NMU: variants seen among roughly 807,000 people sequenced by gnomAD.
NMU encodes neuromedin-U.
Under a neutral mutation model 35.4 loss-of-function variants are expected in NMU, and 29 were observed. The observed-to-expected ratio is 0.82, with a 90% CI of 0.61 to 1.12. The LOEUF (loss-of-function observed/expected upper bound fraction) is 1.12. Ranked by LOEUF, NMU falls within the 50% of genes most tolerant of loss-of-function variation. The pLI is 0.00. For synonymous variants in NMU, 78 were observed against 81.3 expected (o/e 0.96, Z 0.22); for missense variants, 199 against 206.2 (o/e 0.97, Z 0.21).
intron 4 of NMU, among the ~76,000 whole-genome samples, chr4:55,608,122 C>A (rs990370064): frequency 2.1e-5 from 3 of 144,668 alleles, no homozygotes; most frequent in Non-Finnish European, 4.5e-5. Context: ...TTGCAGTGAG[C>A]CGAGATGGCG....
intron 2 of NMU, among the ~76,000 whole-genome samples, chr4:55,619,337 G>A (rs376897649): frequency 0.14 from 19,610 of 139,332 alleles, 1,660 homozygotes; most frequent in Non-Finnish European, 0.19. Flanking sequence ...GCAGGGCGAG[G>A]CATTGCCTCA....
chr4:55,603,939 A>ATGTATATATGTATATATATATACG lies in NMU; in HGVS notation c.435+1335_435+1336insCGTATATATATATACATATATACA, dbSNP rs1560513419. On this transcript the variant is annotated intron_variant, in intron 7 of 9. Coordinates refer to ENST00000264218, the MANE Select transcript of NMU (RefSeq NM_006681.4). ...AAAAAAAAAAAAAATATATATATAT[A>ATGTATATATGTATATATATATACG]TATATATGTATATATGTGTATATAT... Among the ~76,000 whole-genome samples the ATGTATATATGTATATATATATACG allele has an allele frequency of 9.4e-5, 6 of 63,850 alleles. 2 individuals carry two copies. The highest frequency in any genetic ancestry group is 2.4e-4 in the African/African-American group (4 of 16,400). 41.9% of individuals were successfully genotyped at this position (63,850 alleles called of 152,430 possible). A position where few individuals can be genotyped will look rare whatever the true frequency, so the allele number is the denominator to read the frequency against.
In NMU at chr4:55,636,196, G is replaced by C. The variant is rs527754565; in HGVS notation, c.-4C>G. 1.1e-3 allele frequency: 1,635 copies of C among 1,483,818 alleles called. 2 individuals are homozygous for C. Among genetic ancestry groups the C allele is most frequent in the Non-Finnish European group, 1.4e-3 (1,564 of 1,126,174 alleles). 91.9% of individuals were successfully genotyped at this position (1,483,818 alleles called of 1,614,324 possible). A position where few individuals can be genotyped will look rare whatever the true frequency, so the allele number is the denominator to read the frequency against. On this transcript the variant is annotated 5_prime_UTR_variant, in exon 1 of 10. Transcript: ENST00000264218. The surrounding 1 kb of genome is among the most constrained non-coding windows in gnomAD (Gnocchi z 4.0). The stretch of plus-strand genomic sequence containing the variant: ...GGCAGCTCTCTGTTCGCAGCATCTC[G>C]GCGGCTGCGGGAGGCTCGGTGCTAG...
intron 9 of NMU, 96 bp downstream of exon 9, chr4:55,599,046 G>T: frequency 1.3e-6 from 1 of 781,402 alleles, no homozygotes; most frequent in Non-Finnish European, 2.2e-6. Context: ...AGTTTAATTT[G>T]TGACTATTTG....
chr4:55,603,996 T>TGTATATATAC (rs777008058), intron 7 of NMU, among the ~76,000 whole-genome samples: 2 of 32,064 alleles, frequency 6.2e-5, no homozygotes, highest in African/African-American at 1.1e-4. Context: ...TGTATATATA[T>TGTATATATAC]ACGTATATAT....
rs142049398 is a variant in NMU, at chr4:55,611,624, C to A, written c.220-2445G>T. On this transcript the variant is annotated intron_variant, in intron 3 of 9. Coordinates refer to ENST00000264218, the MANE Select transcript of NMU (RefSeq NM_006681.4). ...CCTATACAAGTGTATCATTTTTTATCTTTTACATTATGTATTTACTGTACC... is the reference window on the plus strand; with the variant it reads ...CCTATACAAGTGTATCATTTTTTATATTTTACATTATGTATTTACTGTACC... Among the ~76,000 whole-genome samples the A allele has an allele frequency of 2.8e-4, 42 of 152,176 alleles. No individual in the cohort carries two copies. In the East Asian group the frequency reaches 7.2e-3, roughly 26 times the overall value.
chr4:55,601,442 C>T (rs1317358525), intron 7 of NMU, among the ~76,000 whole-genome samples: 1 of 151,892 alleles, frequency 6.6e-6, no homozygotes, highest in Non-Finnish European at 1.5e-5. Flanking sequence ...ACTTAGTTTG[C>T]AACAAATGTA....
chr4:55,633,460 C>T (rs1227843142), intron 1 of NMU, among the ~76,000 whole-genome samples: 1 of 151,660 alleles, frequency 6.6e-6, no homozygotes, highest in African/African-American at 2.4e-5. Flanking sequence ...ATATGGACTT[C>T]ATACTGTCAA....
chr4:55,596,038 T>C (rs1000687461), intron 9 of NMU, among the ~76,000 whole-genome samples: 6 of 152,148 alleles, frequency 3.9e-5, no homozygotes, highest in Admixed American at 6.5e-5. Context: ...ATTTAACTAT[T>C]TAAAAGTGAT....
chr4:55,614,389 A>G (rs2110198699), intron 3 of NMU, among the ~76,000 whole-genome samples: 1 of 152,286 alleles, frequency 6.6e-6, no homozygotes, highest in South Asian at 2.1e-4. Flanking sequence ...TTGTTACAAG[A>G]GAACAATTTC....
intron 6 of NMU, among the ~76,000 whole-genome samples, chr4:55,605,760 T>A (rs1023535410): frequency 1.3e-5 from 2 of 152,236 alleles, no homozygotes; most frequent in Non-Finnish European, 1.5e-5. Flanking sequence ...AACATGTTAA[T>A]CTGGAAGATT....
At chr4:55,619,232 T>A (rs1734264388) in intron 2 of NMU, among the ~76,000 whole-genome samples, 1 of 150,416 alleles carries the variant, frequency 6.6e-6, no homozygotes, top group Non-Finnish European at 1.5e-5. Context: ...ACGGGTGATT[T>A]CTGCATTTCC....
chr4:55,617,026 G>T (rs1734133968), intron 2 of NMU, among the ~76,000 whole-genome samples: 1 of 152,176 alleles, frequency 6.6e-6, no homozygotes, highest in African/African-American at 2.4e-5. Flanking sequence ...CCTATGCTGA[G>T]AAGTTAAGCA....
Position 55,629,239 on chromosome 4 carries a change from T to C in NMU, c.171+1163A>G, listed in dbSNP as rs113775189. On this transcript the variant is annotated intron_variant, in intron 2 of 9. Coordinates refer to ENST00000264218, the MANE Select transcript of NMU (RefSeq NM_006681.4). Reference sequence around the variant, plus strand: ...TTATACACAACGAGAATGTGTATACTATTTAGTGCAGGTTTTAAACAATAG... The same window carrying C: ...TTATACACAACGAGAATGTGTATACCATTTAGTGCAGGTTTTAAACAATAG... Among the ~76,000 whole-genome samples the C allele has an allele frequency of 1.2e-4, 19 of 152,308 alleles. 1 individual carries two copies. Among genetic ancestry groups the C allele is most frequent in the African/African-American group, 4.6e-4 (19 of 41,568 alleles).
At chr4:55,619,365 G>A (rs1340767734) in intron 2 of NMU, among the ~76,000 whole-genome samples, 1 of 136,590 alleles carries the variant, frequency 7.3e-6, no homozygotes, top group African/African-American at 2.7e-5. Flanking sequence ...AGCGCAAGGG[G>A]TCAGGGAGTT....
intron 3 of NMU, among the ~76,000 whole-genome samples, chr4:55,612,959 A>G (rs1409248420): frequency 6.6e-6 from 1 of 152,134 alleles, no homozygotes; most frequent in Admixed American, 6.5e-5. Flanking sequence ...TACACCACCG[A>G]ATACTACACA....
At chr4:55,619,949 A>T (rs1734318867) in intron 2 of NMU, among the ~76,000 whole-genome samples, 1 of 146,792 alleles carries the variant, frequency 6.8e-6, no homozygotes, top group Non-Finnish European at 1.5e-5. Flanking sequence ...CCTGCAGCTG[A>T]GGGCCCTGTC....
chr4:55,607,541 T>A, intron 4 of NMU, 75 bp from the exon 5 acceptor site: 1 of 549,700 alleles, frequency 1.8e-6, no homozygotes, highest in South Asian at 2.8e-5. Context: ...AATTTTATAA[T>A]GTTATAACAC....
Position 55,616,454 on chromosome 4 carries a change from A to G in NMU, c.172-69T>C. 1.7e-6 allele frequency: 2 copies of G among 1,157,954 alleles called. 1 individual carries two copies. Among genetic ancestry groups the G allele is most frequent in the South Asian group, 2.5e-5 (2 of 80,576 alleles). 71.7% of individuals were successfully genotyped at this position (1,157,954 alleles called of 1,614,324 possible). On this transcript the variant is annotated intron_variant, in intron 2 of 9. Coordinates refer to ENST00000264218, the MANE Select transcript of NMU (RefSeq NM_006681.4). Reference sequence around the variant, plus strand: ...AAAATAACAGAAAGTAGATTTTACAAAGTCACATTACCTATGGAACATTAA... The same window carrying G: ...AAAATAACAGAAAGTAGATTTTACAGAGTCACATTACCTATGGAACATTAA...
Sources: allele counts gnomAD v4.1 joint callset (sites outside exome capture counted in the v4.1 genomes callset), GRCh38; gene constraint gnomAD v4.1.1; non-coding constraint Gnocchi (gnomAD v3.1); transcripts MANE v1.5; gene names NCBI Gene and HGNC (gene_info 2026-07-23, HGNC 2026-07-21).